Variants in KCNH1 observed in about 807,000 individuals in gnomAD.
The protein encoded by KCNH1 is potassium voltage-gated channel subfamily H member 1.
Under a neutral mutation model 69.2 loss-of-function variants are expected in KCNH1, and 27 were observed. The ratio of observed to expected loss-of-function variants is 0.39; its 90% CI spans 0.29 to 0.54. The LOEUF is 0.54. KCNH1 is among the 20% of genes least tolerant of loss of function. KCNH1 has a pLI of 0.68. For missense variants in KCNH1, 798 were observed against 1,261.6 expected, an observed-to-expected ratio of 0.63 and a Z score of 5.57; for synonymous variants, 456 against 487.7, an observed-to-expected ratio of 0.93 and a Z score of 0.86.
At chr1:210,906,306 C>T (rs1338262516) in intron 7 of KCNH1, among the ~76,000 whole-genome samples, 2 of 152,082 alleles carry the variant, frequency 1.3e-5, no homozygotes, top group Non-Finnish European at 2.9e-5. Context: ...TGTCTGGCTG[C>T]CAGGGAATGG....
chr1:210,758,353 G>A (rs1405591791), intron 10 of KCNH1, among the ~76,000 whole-genome samples: 6 of 152,166 alleles, frequency 3.9e-5, no homozygotes, highest in Admixed American at 6.5e-5. Flanking sequence ...CTCTCTCATC[G>A]CAGGACAGGA....
intron 3 of KCNH1, among the ~76,000 whole-genome samples, chr1:211,091,557 G>C (rs2102473847): frequency 6.6e-6 from 1 of 152,268 alleles, no homozygotes; most frequent in East Asian, 1.9e-4. Context: ...AAGAAGGAAA[G>C]GAACACCACA....
chr1:211,096,978 ACT>A (rs1428234723), intron 3 of KCNH1, among the ~76,000 whole-genome samples: 2 of 152,210 alleles, frequency 1.3e-5, no homozygotes, highest in African/African-American at 4.8e-5. Context: ...TCTCACAATG[ACT>A]CTATAATGTA....
intron 7 of KCNH1, among the ~76,000 whole-genome samples, chr1:210,881,035 G>A (rs1186989265): frequency 1.4e-5 from 2 of 145,546 alleles, no homozygotes; most frequent in East Asian, 2.0e-4. Context: ...TTTTTTTTCT[G>A]GAAACAGAGT....
At chr1:210,970,270 C>T (rs777190208) in intron 6 of KCNH1, among the ~76,000 whole-genome samples, 2 of 150,378 alleles carry the variant, frequency 1.3e-5, no homozygotes, top group Non-Finnish European at 1.5e-5. Flanking sequence ...CCCCTTGTCC[C>T]CCACCCCCAA....
intron 4 of KCNH1, among the ~76,000 whole-genome samples, chr1:211,088,650 G>A (rs140976156): frequency 1.5e-3 from 223 of 152,330 alleles, no homozygotes; most frequent in Admixed American, 3.3e-3. Flanking sequence ...GACATTAAGC[G>A]TGGTCTACTA....
At chr1:210,781,720 G>A (rs762306475) in intron 9 of KCNH1, among the ~76,000 whole-genome samples, 1 of 152,128 alleles carries the variant, frequency 6.6e-6, no homozygotes, top group Admixed American at 6.5e-5. Flanking sequence ...TCTTCAGTTC[G>A]TACAGCCATG....
intron 2 of KCNH1, among the ~76,000 whole-genome samples, chr1:211,105,625 G>A (rs1323299268): frequency 2.6e-5 from 4 of 152,150 alleles, no homozygotes; most frequent in African/African-American, 7.2e-5. Context: ...AAGAAAAGTT[G>A]GTTAAATTAG....
intron 10 of KCNH1, among the ~76,000 whole-genome samples, chr1:210,723,534 A>G (rs572257943): frequency 6.6e-5 from 10 of 152,332 alleles, no homozygotes; most frequent in Admixed American, 6.5e-4. Context: ...CCTTTAAAAT[A>G]AAGTTAGTTA....
At chr1:211,112,696 G>A (rs1445569823) in intron 1 of KCNH1, among the ~76,000 whole-genome samples, 1 of 151,932 alleles carries the variant, frequency 6.6e-6, no homozygotes, top group Non-Finnish European at 1.5e-5. Flanking sequence ...TAGCTCTAGG[G>A]AGCAAGATTC....
At chr1:211,098,392 T>C (rs927963853) in intron 3 of KCNH1, among the ~76,000 whole-genome samples, 2 of 150,316 alleles carry the variant, frequency 1.3e-5, no homozygotes, top group Non-Finnish European at 3.0e-5. Flanking sequence ...CAATACGAAA[T>C]ATACAGCACT....
At chr1:211,082,427 T>A (rs1438828709) in intron 5 of KCNH1, among the ~76,000 whole-genome samples, 3 of 152,234 alleles carry the variant, frequency 2.0e-5, no homozygotes, top group Admixed American at 2.0e-4. Flanking sequence ...TCACTACCTG[T>A]ATCTTCTTTG....
chr1:211,118,016 C>T (rs1691613471), intron 1 of KCNH1, among the ~76,000 whole-genome samples: 1 of 152,098 alleles, frequency 6.6e-6, no homozygotes, highest in South Asian at 2.1e-4. Flanking sequence ...TACCCTAATT[C>T]CAGGTGAACC....
Position 210,751,262 on chromosome 1 carries a change from CA to C in KCNH1, c.2112+24085del, listed in dbSNP as rs1441208602. 3.9e-5 allele frequency among the ~76,000 whole-genome samples: 6 copies of C among 152,192 alleles called. No individual in the cohort carries two copies. The East Asian group carries it at 1.2e-3, about 29-fold the overall frequency. ...GGTCAGGAGGCTGATGAGCTGGACG[CA>C]AGCTCAGAAATCACATTGATGAGGC... On this transcript the variant is annotated intron_variant, in intron 10 of 10. Coordinates refer to ENST00000271751, the MANE Select transcript of KCNH1 (RefSeq NM_172362.3).
At chr1:210,856,898 T>TATATATATATATATAA (rs1410330503) in intron 7 of KCNH1, among the ~76,000 whole-genome samples, 52 of 121,670 alleles carry the variant, frequency 4.3e-4, no homozygotes, top group East Asian at 2.1e-3. Context: ...TATATATATA[T>TATATATATATATATAA]AAAATACTCA....
chr1:211,123,667 C>CGAGGGAATGAAGG (rs1185214190), intron 1 of KCNH1, among the ~76,000 whole-genome samples: 1 of 151,800 alleles, frequency 6.6e-6, no homozygotes, highest in African/African-American at 2.4e-5. Context: ...GAGGAGAGAG[C>CGAGGGAATGAAGG]GAGGGAATGA....
chr1:210,871,609 T>G (rs1412942731), intron 7 of KCNH1, among the ~76,000 whole-genome samples: 1 of 152,084 alleles, frequency 6.6e-6, no homozygotes, highest in African/African-American at 2.4e-5. Context: ...ACACGTATGT[T>G]TATTGCGGCA....
intron 5 of KCNH1, among the ~76,000 whole-genome samples, chr1:211,058,885 G>A (rs145553056): frequency 0.013 from 1,907 of 152,032 alleles, 19 homozygotes; most frequent in Middle Eastern, 0.027. Context: ...GAAAATAAAG[G>A]GATAGAAAAA....
At chr1:210,784,352 T>C (rs1684051221) in intron 9 of KCNH1, among the ~76,000 whole-genome samples, 1 of 152,242 alleles carries the variant, frequency 6.6e-6, no homozygotes, top group Admixed American at 6.5e-5. Context: ...TGACCTTATT[T>C]TATCTGCTAC....
Sources: gnomAD v4.1 joint callset for allele counts (sites outside exome capture counted in the v4.1 genomes callset) on GRCh38, gnomAD v4.1.1 for gene constraint, MANE v1.5 for transcripts, NCBI Gene and HGNC (gene_info 2026-07-23, HGNC 2026-07-21) for gene names.